SLC44A1: variants seen among roughly 807,000 people sequenced by gnomAD.
SLC44A1 encodes solute carrier family 44 member 1, also known as choline transporter-like protein 1.
SLC44A1 carries 26 observed loss-of-function variants against 79.3 expected under a neutral mutation model. The observed-to-expected ratio is 0.33, with a 90% CI of 0.24 to 0.46. The LOEUF (loss-of-function observed/expected upper bound fraction) is 0.46, where lower values mean the gene tolerates loss of function less well. SLC44A1 is among the 20% of genes least tolerant of loss of function. The pLI, the probability that SLC44A1 is intolerant of heterozygous loss-of-function variation, is 1.00. For synonymous variants in SLC44A1, 263 were observed against 286.2 expected, an observed-to-expected ratio of 0.92 and a Z score of 0.82; for missense variants, 688 against 798.1, an observed-to-expected ratio of 0.86 and a Z score of 1.66.
At chr9:105,268,299 C>T (rs1010921189) in intron 1 of SLC44A1, among the ~76,000 whole-genome samples, 2 of 152,122 alleles carry the variant, frequency 1.3e-5, no homozygotes, top group African/African-American at 2.4e-5. Flanking sequence ...TCTTTTCCCA[C>T]CACTGGCTCG....
chr9:105,321,772 G>A (rs1458437860), intron 3 of SLC44A1, among the ~76,000 whole-genome samples: 1 of 150,880 alleles, frequency 6.6e-6, no homozygotes, highest in Non-Finnish European at 1.5e-5. Context: ...AATCTAACAG[G>A]ATATATGTGG....
intron 1 of SLC44A1, among the ~76,000 whole-genome samples, chr9:105,280,397 A>G (rs986931186): frequency 6.6e-6 from 1 of 152,212 alleles, no homozygotes; most frequent in Non-Finnish European, 1.5e-5. Flanking sequence ...AGAGTTGAGC[A>G]AATTGCTGGT....
intron 2 of SLC44A1, among the ~76,000 whole-genome samples, chr9:105,305,370 T>C (rs1216962297): frequency 3.3e-5 from 5 of 152,172 alleles, no homozygotes; most frequent in Non-Finnish European, 7.3e-5. Flanking sequence ...TACAAGTTTA[T>C]AATTAATTTT....
At position 105,297,896 on chromosome 9, in the gene SLC44A1, C is replaced by T. The variant is rs1454806814; in HGVS notation, c.37-1324C>T. Among the ~76,000 whole-genome samples, 6 of 152,262 alleles carry T rather than the reference C, an allele frequency of 3.9e-5. No individual in the cohort carries two copies. The South Asian group carries it at 8.3e-4, about 21-fold the overall frequency. On this transcript the variant is annotated intron_variant, in intron 1 of 15. Coordinates refer to ENST00000374720, the MANE Select transcript of SLC44A1 (RefSeq NM_080546.5). ...CCAAATAGCTTCCTGGATCTTGTCA[C>T]GGAAGCCACTGGAGGCCTGAACCTT... is the stretch of plus-strand genomic sequence containing the variant.
At chr9:105,387,060 A>AAAATATATATATATATATATATATATAT (rs34780893) in intron 15 of SLC44A1, among the ~76,000 whole-genome samples, 1 of 7,714 alleles carries the variant, frequency 1.3e-4, no homozygotes, top group African/African-American at 4.1e-4. Flanking sequence ...AAAAAAAAAA[A>AAAATATATATATATATATATATATATAT]ATATATATAT....
chr9:105,311,468 A>C (rs894136463), intron 3 of SLC44A1, among the ~76,000 whole-genome samples: 1 of 152,124 alleles, frequency 6.6e-6, no homozygotes, highest in Non-Finnish European at 1.5e-5. Flanking sequence ...TGTTCTCACC[A>C]TAAAGTTTGT....
At chr9:105,408,597 G>C (rs922071675) in intron 15 of SLC44A1, among the ~76,000 whole-genome samples, 1 of 152,106 alleles carries the variant, frequency 6.6e-6, no homozygotes, top group Non-Finnish European at 1.5e-5. Context: ...TTTTAGTAGA[G>C]ACAGAGTTTT....
At chr9:105,285,134 C>T (rs1298715305) in intron 1 of SLC44A1, among the ~76,000 whole-genome samples, 3 of 151,926 alleles carry the variant, frequency 2.0e-5, no homozygotes, top group African/African-American at 7.3e-5. Flanking sequence ...CATGGATGTA[C>T]CATATTGTGT....
At chr9:105,385,325 C>T (rs1828597208) in intron 14 of SLC44A1, 97 bp from the exon 15 acceptor site, 5 of 843,966 alleles carry the variant, frequency 5.9e-6, no homozygotes, top group Middle Eastern at 2.4e-4. Context: ...ATCCATTTAC[C>T]AAGATTGAGT....
intron 1 of SLC44A1, among the ~76,000 whole-genome samples, chr9:105,250,593 A>G (rs755426044): frequency 4.6e-5 from 7 of 152,186 alleles, no homozygotes; most frequent in Non-Finnish European, 8.8e-5. Context: ...TTTTCTGTTG[A>G]TCTAAACTAG....
intron 3 of SLC44A1, among the ~76,000 whole-genome samples, chr9:105,312,043 A>ACTTCAGC (rs1831195486): frequency 6.6e-6 from 1 of 152,090 alleles, no homozygotes; most frequent in Non-Finnish European, 1.5e-5. Flanking sequence ...GTCTGCTAAT[A>ACTTCAGC]CTTCAGCCTA....
intron 7 of SLC44A1, 55 bp from the exon 8 acceptor site, chr9:105,361,136 T>G (rs1827765271): frequency 1.3e-6 from 2 of 1,552,706 alleles, no homozygotes; most frequent in Admixed American, 3.3e-5. Flanking sequence ...AGAATTTATG[T>G]TACACATTTT....
chr9:105,376,502 T>C (rs1291901137), intron 13 of SLC44A1, among the ~76,000 whole-genome samples: 1 of 152,036 alleles, frequency 6.6e-6, no homozygotes. Flanking sequence ...GCCTCCCAAG[T>C]AGCTGGGACT....
intron 1 of SLC44A1, among the ~76,000 whole-genome samples, chr9:105,275,032 CAAT>C (rs1830167270): frequency 6.7e-6 from 1 of 148,510 alleles, no homozygotes; most frequent in Non-Finnish European, 1.5e-5. Context: ...AAATTCTTAA[CAAT>C]AATGATATAA....
chr9:105,372,412 C>T (rs377572209), intron 12 of SLC44A1, among the ~76,000 whole-genome samples: 5 of 152,008 alleles, frequency 3.3e-5, no homozygotes, highest in East Asian at 4.0e-4. Context: ...CCTCAGCCTC[C>T]GAGTAGCCGG....
chr9:105,257,824 G>A (rs1245986220), intron 1 of SLC44A1, among the ~76,000 whole-genome samples: 3 of 152,198 alleles, frequency 2.0e-5, no homozygotes, highest in African/African-American at 7.2e-5. Context: ...CTGCTTGTCA[G>A]TATGGAAAGG....
intron 3 of SLC44A1, among the ~76,000 whole-genome samples, chr9:105,332,107 C>G (rs911014626): frequency 6.7e-6 from 1 of 148,930 alleles, no homozygotes; most frequent in Non-Finnish European, 1.5e-5. Context: ...TTTTCTTTTC[C>G]TTCTTTGTTT....
rs117904179 is a variant in SLC44A1, at chr9:105,329,126, C to T, written c.270-6437C>T. Among the ~76,000 whole-genome samples, 912 of 152,284 alleles carry T rather than the reference C, an allele frequency of 6.0e-3. 4 individuals carry two copies. The highest frequency in any genetic ancestry group is 8.7e-3 in the Admixed American group (133 of 15,302). On this transcript the variant is annotated intron_variant, in intron 3 of 15. Coordinates refer to ENST00000374720, the MANE Select transcript of SLC44A1 (RefSeq NM_080546.5). The stretch of plus-strand genomic sequence containing the variant: ...GTAGCCTATGTTTAGCAATAGCAAG[C>T]CTCCGCTAGGCTGTCATGGTTTTCA...
chr9:105,244,809 G>T lies in SLC44A1; in HGVS notation c.-60G>T. On this transcript the variant is annotated 5_prime_UTR_variant, in exon 1 of 16. Coordinates refer to ENST00000374720, the MANE Select transcript of SLC44A1 (RefSeq NM_080546.5). ...CCGGGCGCCCGCCGGCTCGCATGCC[G>T]AGGGGCTCCGGGGCGTAGCTGCGCG... 9.4e-7 allele frequency: 1 copy of T among 1,065,374 alleles called. No homozygotes were observed. Among genetic ancestry groups the T allele is most frequent in the Non-Finnish European group, 1.1e-6 (1 of 870,048 alleles). 66.0% of individuals were successfully genotyped at this position (1,065,374 alleles called of 1,614,324 possible).
Sources: gnomAD v4.1 joint callset for allele counts (sites outside exome capture counted in the v4.1 genomes callset) on GRCh38, gnomAD v4.1.1 for gene constraint, MANE v1.5 for transcripts, NCBI Gene and HGNC (gene_info 2026-07-23, HGNC 2026-07-21) for gene names.